Variants in PCDH11X observed in about 807,000 individuals in gnomAD.
PCDH11X encodes protocadherin 11 X-linked.
PCDH11X carries 18 observed loss-of-function variants against 53.3 expected under a neutral mutation model. The observed-to-expected ratio is 0.34, with a 90% CI of 0.23 to 0.50. The LOEUF (loss-of-function observed/expected upper bound fraction) is 0.50. PCDH11X is among the 20% of genes least tolerant of loss of function. The pLI is 0.98. For synonymous variants in PCDH11X, 279 were observed against 393.3 expected (o/e 0.71, Z 3.44); for missense variants, 570 against 1,032.4 (o/e 0.55, Z 6.14).
At chrX:92,223,744 AATCAGTG>A (rs1477335489) in intron 7 of PCDH11X, among the ~76,000 whole-genome samples, 2 of 111,958 alleles carry the variant, frequency 1.8e-5, no homozygotes, top group African/African-American at 6.5e-5. Context: ...AGATTTATTT[AATCAGTG>A]ATTACTGTGG....
chrX:91,888,556 G>C (rs1453357955), intron 6 of PCDH11X, among the ~76,000 whole-genome samples: 1 of 110,027 alleles, frequency 9.1e-6, no homozygotes, highest in African/African-American at 3.3e-5. Context: ...TTGTGAGGCT[G>C]AAATGGGAGA....
At chrX:92,608,514 T>G (rs1232090631) in intron 10 of PCDH11X, among the ~76,000 whole-genome samples, 1 of 110,605 alleles carries the variant, frequency 9.0e-6, no homozygotes, top group Non-Finnish European at 1.9e-5. Flanking sequence ...TAAATGATAT[T>G]CTTATCTTTT....
At chrX:92,046,224 G>C (rs1398002354) in intron 6 of PCDH11X, among the ~76,000 whole-genome samples, 5 of 111,454 alleles carry the variant, frequency 4.5e-5, no homozygotes, top group African/African-American at 6.5e-5. Flanking sequence ...CCTCTTTTGA[G>C]AATTGGTCAT....
chrX:92,374,171 C>G (rs1011642548), intron 8 of PCDH11X, among the ~76,000 whole-genome samples: 5 of 109,368 alleles, frequency 4.6e-5, no homozygotes, highest in African/African-American at 1.0e-4. Context: ...TTTTCAAAAC[C>G]TCACTTTTAT....
intron 5 of PCDH11X, among the ~76,000 whole-genome samples, chrX:91,839,670 A>G (rs1183476294): frequency 9.0e-6 from 1 of 110,659 alleles, no homozygotes; most frequent in African/African-American, 3.3e-5. Context: ...AGTGATTACC[A>G]AGTAATTCTG....
chrX:92,139,379 G>A (rs1278959452), intron 6 of PCDH11X, among the ~76,000 whole-genome samples: 2 of 103,751 alleles, frequency 1.9e-5, no homozygotes, highest in East Asian at 3.1e-4. Flanking sequence ...AGGTTCAAGC[G>A]ATTCTCCTGC....
At chrX:92,178,472 A>C (rs749551795) in intron 6 of PCDH11X, among the ~76,000 whole-genome samples, 1 of 112,226 alleles carries the variant, frequency 8.9e-6, no homozygotes, top group East Asian at 2.8e-4. Flanking sequence ...ATGTCTCCAT[A>C]CTTTAAAATT....
rs748408998 is a variant in PCDH11X, at chrX:92,610,434, G to T, written c.3368-7830G>T. On this transcript the variant is annotated intron_variant, in intron 10 of 10. Coordinates refer to ENST00000682573, the MANE Select transcript of PCDH11X (RefSeq NM_032968.5). Reference sequence around the variant, plus strand: ...CTGTTTATATTTTTTGCCCACTTTTGAATGGAGGCTTTTGTTTTTTGCTTG... The same window carrying T: ...CTGTTTATATTTTTTGCCCACTTTTTAATGGAGGCTTTTGTTTTTTGCTTG... 3.6e-5 allele frequency among the ~76,000 whole-genome samples: 4 copies of T among 109,945 alleles called. No individual in the cohort carries two copies. In the East Asian group the frequency reaches 1.2e-3, roughly 32 times the overall value.
chrX:91,823,305 G>T (rs758924232), intron 4 of PCDH11X, among the ~76,000 whole-genome samples: 8 of 110,713 alleles, frequency 7.2e-5, no homozygotes, highest in African/African-American at 2.6e-4. Context: ...ATGTGTCGGA[G>T]TCTAAGTCTC....
intron 9 of PCDH11X, among the ~76,000 whole-genome samples, chrX:92,418,602 G>A (rs2148611987): frequency 9.4e-6 from 1 of 106,223 alleles, no homozygotes; most frequent in African/African-American, 3.4e-5. Context: ...TTATGTTTTT[G>A]TTTTAGATAG....
intron 8 of PCDH11X, among the ~76,000 whole-genome samples, chrX:92,375,166 A>ATATATATATATTTATATTT (rs1302181048): frequency 1.2e-4 from 1 of 8,261 alleles, no homozygotes; most frequent in Non-Finnish European, 1.9e-4. Context: ...ATATATATAT[A>ATATATATATATTTATATTT]TTTTTTTTTT....
chrX:92,032,741 A>G (rs1356480185), intron 6 of PCDH11X, among the ~76,000 whole-genome samples: 1 of 107,467 alleles, frequency 9.3e-6, no homozygotes, highest in Admixed American at 1.0e-4. Context: ...TGAAATGATC[A>G]TGTAGTTTTG....
intron 9 of PCDH11X, among the ~76,000 whole-genome samples, chrX:92,451,130 T>C (rs1322094945): frequency 9.1e-6 from 1 of 110,231 alleles, no homozygotes; most frequent in Non-Finnish European, 1.9e-5. Context: ...TAATTTTTGA[T>C]CATTCTAATA....
At chrX:92,469,965 G>T (rs2073229300) in intron 10 of PCDH11X, among the ~76,000 whole-genome samples, 1 of 107,031 alleles carries the variant, frequency 9.3e-6, no homozygotes. Context: ...TTTTACAGGG[G>T]TTTGCATTGA....
intron 5 of PCDH11X, among the ~76,000 whole-genome samples, chrX:91,845,219 T>TA (rs1479286415): frequency 9.0e-6 from 1 of 111,149 alleles, no homozygotes; most frequent in Non-Finnish European, 1.9e-5. Flanking sequence ...GAAGGCTACT[T>TA]ACATTGTTTG....
At chrX:91,989,888 T>C (rs1305770090) in intron 6 of PCDH11X, among the ~76,000 whole-genome samples, 2 of 110,851 alleles carry the variant, frequency 1.8e-5, no homozygotes, top group East Asian at 5.7e-4. Flanking sequence ...CTCTTTCTTC[T>C]CTCCAGAACT....
chrX:92,295,739 TTGTGTGTG>T (rs58402010), intron 8 of PCDH11X, among the ~76,000 whole-genome samples: 852 of 71,494 alleles, frequency 0.012, 17 homozygotes, highest in Middle Eastern at 0.051. Flanking sequence ...ACAGGTGTGT[TTGTGTGTG>T]TGTGTGTGTG....
At chrX:91,991,512 C>T (rs1298606097) in intron 6 of PCDH11X, among the ~76,000 whole-genome samples, 4 of 94,524 alleles carry the variant, frequency 4.2e-5, no homozygotes, top group Admixed American at 3.4e-4. Flanking sequence ...TCTCTTCACA[C>T]TGTGTTTGCA....
At chrX:91,964,702 A>G (rs756099533) in intron 6 of PCDH11X, among the ~76,000 whole-genome samples, 60 of 112,227 alleles carry the variant, frequency 5.3e-4, no homozygotes, top group African/African-American at 1.9e-3. Context: ...ATTTTCCTCC[A>G]TCAGCAGGAC....
Sources: allele counts gnomAD v4.1 joint callset (sites outside exome capture counted in the v4.1 genomes callset), GRCh38; gene constraint gnomAD v4.1.1; transcripts MANE v1.5; gene names NCBI Gene and HGNC (gene_info 2026-07-23, HGNC 2026-07-21).